CATSPERE: variants seen among roughly 807,000 people sequenced by gnomAD.
The protein encoded by CATSPERE is cation channel sperm-associated auxiliary subunit epsilon.
A neutral mutation model predicts 114.1 loss-of-function variants in CATSPERE; 93 were observed. The ratio of observed to expected loss-of-function variants is 0.81; its 90% confidence interval spans 0.69 to 0.97. The LOEUF (loss-of-function observed/expected upper bound fraction) is 0.97, where lower values mean the gene tolerates loss of function less well. CATSPERE is among the 50% of genes least tolerant of loss of function. The pLI is 0.00. For synonymous variants in CATSPERE, 341 were observed against 384.1 expected (o/e 0.89, Z 1.31); for missense variants, 1,058 against 1,131.6 (o/e 0.93, Z 0.93).
chr1:244,627,160 G>A (rs181010372), intron 20 of CATSPERE, among the ~76,000 whole-genome samples: 7 of 152,284 alleles, frequency 4.6e-5, no homozygotes, highest in Admixed American at 4.6e-4. Context: ...GGGGAGAGAT[G>A]CGGGATGGGG....
intron 19 of CATSPERE, among the ~76,000 whole-genome samples, chr1:244,614,519 A>G (rs1671133447): frequency 6.6e-6 from 1 of 152,222 alleles, no homozygotes; most frequent in Admixed American, 6.5e-5. Flanking sequence ...TTTTTATACA[A>G]ACATCTTCCA....
chr1:244,465,239 T>C (rs1466118737), intron 2 of CATSPERE, among the ~76,000 whole-genome samples: 1 of 152,148 alleles, frequency 6.6e-6, no homozygotes, highest in African/African-American at 2.4e-5. Flanking sequence ...TTTCACCATA[T>C]TGGCCAGGCT....
intron 8 of CATSPERE, among the ~76,000 whole-genome samples, chr1:244,539,972 C>G (rs12759940): frequency 0.87 from 131,773 of 151,542 alleles, 58,270 homozygotes; most frequent in East Asian, 1. Context: ...GTCTCTATTT[C>G]CTTCAGTTCT....
At chr1:244,501,032 T>C (rs1047055937) in intron 7 of CATSPERE, among the ~76,000 whole-genome samples, 1 of 152,232 alleles carries the variant, frequency 6.6e-6, no homozygotes, top group African/African-American at 2.4e-5. Flanking sequence ...AGCAGGGGTT[T>C]GTAGTTCTCC....
intron 6 of CATSPERE, among the ~76,000 whole-genome samples, chr1:244,490,897 T>C (rs566541679): frequency 2.0e-5 from 3 of 152,258 alleles, no homozygotes; most frequent in South Asian, 2.1e-4. Context: ...AAAAAAATTA[T>C]CTTTAAATGT....
chr1:244,516,073 C>G (rs1001274169), intron 7 of CATSPERE, among the ~76,000 whole-genome samples: 3 of 151,470 alleles, frequency 2.0e-5, no homozygotes, highest in African/African-American at 7.3e-5. Context: ...ACACACTTGT[C>G]ACAGCTATTC....
At chr1:244,536,103 T>G (rs1467684164) in intron 8 of CATSPERE, among the ~76,000 whole-genome samples, 2 of 151,784 alleles carry the variant, frequency 1.3e-5, no homozygotes, top group African/African-American at 2.4e-5. Context: ...CCAGTGCCCT[T>G]TCTGCTGTGG....
intron 6 of CATSPERE, among the ~76,000 whole-genome samples, chr1:244,491,089 G>C (rs1445242540): frequency 6.6e-6 from 1 of 152,000 alleles, no homozygotes; most frequent in African/African-American, 2.4e-5. Flanking sequence ...TCTGCACCAA[G>C]CGGACCTAAT....
chr1:244,462,653 A>G (rs1666992558), intron 1 of CATSPERE, among the ~76,000 whole-genome samples: 1 of 152,226 alleles, frequency 6.6e-6, no homozygotes, highest in Non-Finnish European at 1.5e-5. Context: ...GCCTTTGATG[A>G]CAATAGATTT....
chr1:244,615,868 C>T (rs1367473817), intron 19 of CATSPERE, among the ~76,000 whole-genome samples: 1 of 149,236 alleles, frequency 6.7e-6, no homozygotes, highest in Non-Finnish European at 1.5e-5. Context: ...AATCCCAGCA[C>T]TTTGGGAGGC....
chr1:244,454,929 G>A (rs1572168962), intron 1 of CATSPERE, among the ~76,000 whole-genome samples: 1 of 152,086 alleles, frequency 6.6e-6, no homozygotes, highest in East Asian at 1.9e-4. Context: ...AAATTTCTCT[G>A]TCTTGTTTTG....
intron 2 of CATSPERE, among the ~76,000 whole-genome samples, chr1:244,467,155 T>G (rs1016020927): frequency 8.5e-5 from 13 of 152,342 alleles, no homozygotes; most frequent in African/African-American, 2.4e-4. Context: ...CTCAACAATT[T>G]CTGTTGTGTT....
chr1:244,619,147 G>A (rs1240976530), intron 20 of CATSPERE, among the ~76,000 whole-genome samples: 1 of 152,182 alleles, frequency 6.6e-6, no homozygotes, highest in East Asian at 1.9e-4. Context: ...TGGGCCTGGA[G>A]TGGAAAGGAA....
At chr1:244,570,486 T>C (rs867631454) in intron 10 of CATSPERE, among the ~76,000 whole-genome samples, 18 of 152,256 alleles carry the variant, frequency 1.2e-4, no homozygotes, top group Non-Finnish European at 2.2e-4. Context: ...GCCTGCTTAT[T>C]AAGTTAAATG....
intron 17 of CATSPERE, among the ~76,000 whole-genome samples, chr1:244,599,467 G>T (rs1389852297): frequency 6.6e-6 from 1 of 152,066 alleles, no homozygotes; most frequent in Non-Finnish European, 1.5e-5. Context: ...AGCCTATTGG[G>T]TCTATCTATT....
At chr1:244,451,979 C>T, upstream of CATSPERE, 2 of 677,748 alleles carry the variant, frequency 3.0e-6, no homozygotes, top group East Asian at 3.2e-5. This position sits in a 1 kb window ranked among gnomAD's most constrained non-coding sequence, Gnocchi z 6.6. Context: ...GTCCCCGCCC[C>T]GCTCTCCGCC....
chr1:244,499,694 T>G (rs936581595), intron 7 of CATSPERE, among the ~76,000 whole-genome samples: 1 of 152,124 alleles, frequency 6.6e-6, no homozygotes, highest in Non-Finnish European at 1.5e-5. Context: ...TATGACTGCA[T>G]AGTATTCCAT....
chr1:244,547,331 G>T (rs1184505926), intron 8 of CATSPERE, among the ~76,000 whole-genome samples: 2 of 152,120 alleles, frequency 1.3e-5, no homozygotes, highest in Non-Finnish European at 2.9e-5. Context: ...TAAAAGGAGT[G>T]CATTGAGCTG....
chr1:244,530,891 C>T (rs1679470049), intron 8 of CATSPERE, among the ~76,000 whole-genome samples: 1 of 151,940 alleles, frequency 6.6e-6, no homozygotes, highest in Admixed American at 6.6e-5. Context: ...ATTTATATAT[C>T]AGTTCTAATA....
Sources: allele counts gnomAD v4.1 joint callset (sites outside exome capture counted in the v4.1 genomes callset), GRCh38; gene constraint gnomAD v4.1.1; non-coding constraint Gnocchi (gnomAD v3.1); transcripts MANE v1.5; gene names NCBI Gene and HGNC (gene_info 2026-07-23, HGNC 2026-07-21).